BCL11B: variants seen among roughly 807,000 people sequenced by gnomAD.
BCL11B encodes BCL11 transcription factor B, also known as B-cell lymphoma/leukemia 11B.
In BCL11B, 8 loss-of-function variants were observed where a neutral mutation model predicts 49.9. The ratio of observed to expected loss-of-function variants is 0.16; its 90% CI spans 0.09 to 0.29. BCL11B has a LOEUF of 0.29. Ranked by LOEUF, BCL11B falls within the 10% of genes least tolerant of loss-of-function variation. The pLI, the probability that BCL11B is intolerant of heterozygous loss-of-function variation, is 1.00. For missense variants in BCL11B, 1,006 were observed against 1,351.0 expected, an observed-to-expected ratio of 0.74 and a Z score of 4.00; for synonymous variants, 739 against 637.4, an observed-to-expected ratio of 1.16 and a Z score of -2.40.
At chr14:99,270,130 G>C (rs541927366) in intron 1 of BCL11B, among the ~76,000 whole-genome samples, 3 of 151,980 alleles carry the variant, frequency 2.0e-5, no homozygotes, top group African/African-American at 7.3e-5. Flanking sequence ...AGGGACGGTG[G>C]AAGCTGCTGC....
chr14:99,175,132 G>C lies in BCL11B; in HGVS notation c.1704C>G (p.Asn568Lys). The C allele has an allele frequency of 6.3e-7, 1 of 1,596,338 alleles. No homozygotes were observed. Residue 568 changes from asparagine (N) to lysine (K), a missense_variant, in exon 4 of 4, where the codon AAC (asparagine) becomes AAG (lysine). Asn to Lys is a moderately conservative substitution (Grantham distance 94). This residue lies in a region of BCL11B where 443 missense variants were observed against 499.7 expected (regional missense o/e 0.89). Coordinates refer to ENST00000357195, the MANE Select transcript of BCL11B (RefSeq NM_138576.4). ...MDSELSRNRE[N>K]GGGGVPGVPG... ...GGACCCCGGGCACCCCACCACCGCC[G>C]TTCTCGCGGTTGCGGCTCAGCTCCG...
rs1886497224 is a variant in BCL11B, at chr14:99,175,776, T to A, written c.1060A>T (p.Met354Leu). Residue 354 changes from methionine to leucine, a missense_variant, in exon 4 of 4, where the codon ATG (methionine) becomes TTG (leucine). Coordinates refer to ENST00000357195, the MANE Select transcript of BCL11B (RefSeq NM_138576.4). ...TCCATGGCGGGCGAGTCGATGGCCA[T>A]GGGGTTCAGGCGCATGACTCGGTCG... ...AFDRVMRLNP[M>L]AIDSPAMDFS... 2 of 1,471,716 alleles carry A rather than the reference T, an allele frequency of 1.4e-6. No homozygotes were observed. The highest frequency in any genetic ancestry group is 2.6e-5 in the Admixed American group (1 of 38,900). The allele number at this position is 1,471,716 out of a possible 1,614,324, so 91.2% of individuals were successfully genotyped here.
At chr14:99,271,092 C>A in intron 1 of BCL11B, 69 bp downstream of exon 1, 1 of 1,433,124 alleles carries the variant, frequency 7.0e-7, no homozygotes, top group South Asian at 1.3e-5. Flanking sequence ...GTTCCGGGCT[C>A]GGTGTCCCCA....
At chr14:99,221,819 C>T (rs957699761) in intron 3 of BCL11B, among the ~76,000 whole-genome samples, 3 of 152,232 alleles carry the variant, frequency 2.0e-5, no homozygotes, top group African/African-American at 4.8e-5. Context: ...GGCACCCCAT[C>T]GCAGTGAGTT....
At position 99,175,916 on chromosome 14, in the gene BCL11B, T is replaced by C. The variant is rs1370669473; in HGVS notation, c.920A>G (p.Glu307Gly). The change falls in exon 4 of 4, where the codon GAG becomes GGG. Residue 307 changes from glutamate to glycine, a missense_variant. This residue lies in a region of BCL11B where 411 missense variants were observed against 542.2 expected (regional missense o/e 0.76). Transcript: ENST00000357195. ...PILRDHPGFGEGRLPGTPPLF... is the reference protein window; with the variant it reads ...PILRDHPGFGGGRLPGTPPLF... ...AGGCGGCGTGCCCGGCAGGCGGCCC[T>C]CGCCGAAGCCCGGGTGGTCCCGCAG... is the stretch of plus-strand genomic sequence containing the variant. 6.9e-7 allele frequency: 1 copy of C among 1,447,714 alleles called. No homozygotes were observed. 89.7% of individuals were successfully genotyped at this position (1,447,714 alleles called of 1,614,324 possible).
chr14:99,202,289 G>C (rs1241969147), intron 3 of BCL11B, among the ~76,000 whole-genome samples: 3 of 152,284 alleles, frequency 2.0e-5, no homozygotes, highest in African/African-American at 7.2e-5. Context: ...GCCAGCCACT[G>C]GCCTCTTTAT....
At position 99,199,671 on chromosome 14, in the gene BCL11B, TGTGTGTGTGTGTGC is replaced by T. The variant is rs1392270399; in HGVS notation, c.641-23490_641-23477del. ...GTGTGTGTGTGTGTGTGTGTGTGTG[TGTGTGTGTGTGTGC>T]GCGCGCGCGCGCACGTGCACGTGTG... On this transcript the variant is annotated intron_variant, in intron 3 of 3. Transcript: ENST00000357195. 4.8e-4 allele frequency among the ~76,000 whole-genome samples: 41 copies of T among 86,210 alleles called. No individual in the cohort carries two copies. The East Asian group carries it at 7.6e-3, about 16-fold the overall frequency. The allele number at this position is 86,210 out of a possible 152,430, so 56.6% of individuals were successfully genotyped here.
chr14:99,209,367 C>A (rs909009288), intron 3 of BCL11B, among the ~76,000 whole-genome samples: 1 of 152,118 alleles, frequency 6.6e-6, no homozygotes, highest in South Asian at 2.1e-4. Context: ...GGGACTCCTG[C>A]GCGACCAGAG....
At chr14:99,206,330 A>T (rs1395678867) in intron 3 of BCL11B, among the ~76,000 whole-genome samples, 2 of 152,246 alleles carry the variant, frequency 1.3e-5, no homozygotes, top group Non-Finnish European at 2.9e-5. Flanking sequence ...ACAGTTGAAT[A>T]CAGTAGTTCC....
chr14:99,235,714 G>C (rs1888477085), intron 2 of BCL11B, among the ~76,000 whole-genome samples: 4 of 151,236 alleles, frequency 2.6e-5, no homozygotes, highest in South Asian at 2.1e-4. Context: ...AAGGACAGCG[G>C]GGGGAAGGAG....
chr14:99,191,771 A>G (rs906796145), intron 3 of BCL11B, among the ~76,000 whole-genome samples: 1 of 151,704 alleles, frequency 6.6e-6, no homozygotes, highest in African/African-American at 2.4e-5. Context: ...GGGCTTGGCC[A>G]CTAAGGCAGG....
intron 2 of BCL11B, among the ~76,000 whole-genome samples, chr14:99,234,880 A>AAAAAAAAAAAAAG (rs143975117): frequency 1.7e-5 from 2 of 119,894 alleles, no homozygotes; most frequent in Non-Finnish European, 3.4e-5. Flanking sequence ...AAAAAAAAAA[A>AAAAAAAAAAAAAG]GTCTAAAAAT....
chr14:99,234,553 C>T (rs755352917), intron 2 of BCL11B, among the ~76,000 whole-genome samples: 6 of 152,124 alleles, frequency 3.9e-5, no homozygotes, highest in African/African-American at 1.4e-4. Context: ...AATTCCTCCT[C>T]GGCTGTCTCC....
chr14:99,230,273 C>T (rs1447040259), intron 3 of BCL11B, among the ~76,000 whole-genome samples: 1 of 152,226 alleles, frequency 6.6e-6, no homozygotes, highest in Non-Finnish European at 1.5e-5. Flanking sequence ...CAATTAAAAA[C>T]ACAACCTGCC....
chr14:99,261,431 C>G (rs988116459), intron 1 of BCL11B, among the ~76,000 whole-genome samples: 1 of 152,168 alleles, frequency 6.6e-6, no homozygotes, highest in South Asian at 2.1e-4. Context: ...CTATGGACAC[C>G]TGAGTCTCCC....
intron 2 of BCL11B, among the ~76,000 whole-genome samples, chr14:99,233,424 T>A (rs1888395221): frequency 6.6e-6 from 1 of 152,118 alleles, no homozygotes; most frequent in Admixed American, 6.5e-5. Flanking sequence ...GGTCCTGGGA[T>A]CTCTAGAGCA....
In BCL11B at chr14:99,170,168, G is replaced by T; in HGVS notation, c.*3983C>A. On this transcript the variant is annotated 3_prime_UTR_variant, in exon 4 of 4. Transcript: ENST00000357195. The stretch of plus-strand genomic sequence containing the variant: ...CTGGAGGCACTCTAGGACCTCAGTG[G>T]GGCATCCAAAGGCAACAGCAGCCCC... 1 of 224,562 alleles carries T rather than the reference G, an allele frequency of 4.5e-6. No individual in the cohort carries two copies. The highest frequency in any genetic ancestry group is 8.9e-6 in the Non-Finnish European group (1 of 112,322). The allele number at this position is 224,562 out of a possible 1,614,324, so 13.9% of individuals were successfully genotyped here.
chr14:99,208,591 G>C (rs1366298039), intron 3 of BCL11B, among the ~76,000 whole-genome samples: 1 of 152,226 alleles, frequency 6.6e-6, no homozygotes, highest in African/African-American at 2.4e-5. Flanking sequence ...CACTTAACAA[G>C]AGGAAAGGGG....
intron 3 of BCL11B, among the ~76,000 whole-genome samples, chr14:99,198,544 C>T (rs191290035): frequency 1.3e-4 from 20 of 152,262 alleles, no homozygotes; most frequent in African/African-American, 2.6e-4. Flanking sequence ...ATTATAGGGA[C>T]GCTGCAGGTG....
Sources: allele counts gnomAD v4.1 joint callset (sites outside exome capture counted in the v4.1 genomes callset), GRCh38; gene constraint gnomAD v4.1.1; regional missense constraint gnomAD v4.1.1; transcripts MANE v1.5; gene names NCBI Gene and HGNC (gene_info 2026-07-23, HGNC 2026-07-21).